SH3GLB2: variants seen among roughly 807,000 people sequenced by gnomAD.
The protein encoded by SH3GLB2 is endophilin-B2.
Under a neutral mutation model 48.0 loss-of-function variants are expected in SH3GLB2, and 24 were observed. The observed-to-expected ratio is 0.50, with a 90% CI of 0.36 to 0.70. SH3GLB2 has a LOEUF of 0.70. Ranked by LOEUF, SH3GLB2 falls within the 30% of genes least tolerant of loss-of-function variation. The pLI, the probability that SH3GLB2 is intolerant of heterozygous loss-of-function variation, is 0.00. For missense variants in SH3GLB2, 425 were observed against 516.0 expected, an observed-to-expected ratio of 0.82 and a Z score of 1.71; for synonymous variants, 227 against 207.6, an observed-to-expected ratio of 1.09 and a Z score of -0.80.
intron 9 of SH3GLB2, 67 bp downstream of exon 9, chr9:129,009,704 A>T: frequency 1.4e-6 from 2 of 1,481,174 alleles, no homozygotes; most frequent in Non-Finnish European, 1.8e-6. Context: ...AGAGGAGCTC[A>T]TGCTGCCCAC....
chr9:129,017,839 A>G (rs180758456), intron 3 of SH3GLB2, among the ~76,000 whole-genome samples: 2 of 150,946 alleles, frequency 1.3e-5, no homozygotes, highest in Admixed American at 6.6e-5. Context: ...CGGAGGTTGC[A>G]GTGAGCCGAG....
In SH3GLB2 at chr9:129,009,056, C is replaced by T; in HGVS notation, c.1080+50G>A. ...CATGTGCCTGATCCCAGTGCCCAGG[C>T]TGCTCCTCACCCAGCCCATTCCTGC... On this transcript the variant is annotated intron_variant, in intron 10 of 10. Transcript: ENST00000372564. The T allele has an allele frequency of 1.9e-6, 3 of 1,599,226 alleles. No homozygotes were observed. The South Asian group carries it at 3.3e-5, about 18-fold the overall frequency.
rs960061214 is a variant in SH3GLB2 at position 129,007,692 on chromosome 9, G to C, written c.*992C>G. Reference sequence around the variant, plus strand: ...AACCCATGGCACGGGGGCACATGCTGGGTGAAACGCCCGACCTGCAGACAG... The same window carrying C: ...AACCCATGGCACGGGGGCACATGCTCGGTGAAACGCCCGACCTGCAGACAG... On this transcript the variant is annotated 3_prime_UTR_variant, in exon 11 of 11. Coordinates refer to ENST00000372564, the MANE Select transcript of SH3GLB2 (RefSeq NM_020145.4). The C allele has an allele frequency of 7.9e-5, 12 of 152,400 alleles. No homozygotes were observed. Among genetic ancestry groups the C allele is most frequent in the Admixed American group, 5.9e-4 (9 of 15,304 alleles). 9.4% of individuals were successfully genotyped at this position (152,400 alleles called of 1,614,324 possible). A position where few individuals can be genotyped will look rare whatever the true frequency, so the allele number is the denominator to read the frequency against.
chr9:129,012,709 C>A, intron 5 of SH3GLB2: 1 of 504,020 alleles, frequency 2.0e-6, no homozygotes, highest in Non-Finnish European at 3.5e-6. Flanking sequence ...TCCCAGAATC[C>A]GCACACCACA....
intron 3 of SH3GLB2, among the ~76,000 whole-genome samples, chr9:129,015,369 T>C (rs1564579707): frequency 6.6e-6 from 1 of 152,118 alleles, no homozygotes; most frequent in African/African-American, 2.4e-5. Flanking sequence ...CTGGACACAA[T>C]TGTCAAAAAC....
At position 129,007,102 on chromosome 9, in the gene SH3GLB2, G is replaced by T. The variant is rs1483936940; in HGVS notation, c.*1582C>A. ...TAAAATCTTGTTTATAGACAGCTGT[G>T]TGATGTTTAACTTCAAAGCCCAGGG... On this transcript the variant is annotated 3_prime_UTR_variant, in exon 11 of 11. Coordinates refer to ENST00000372564, the MANE Select transcript of SH3GLB2 (RefSeq NM_020145.4). 6.5e-6 allele frequency: 1 copy of T among 154,932 alleles called. No individual in the cohort carries two copies. The highest frequency in any genetic ancestry group is 1.4e-5 in the Non-Finnish European group (1 of 70,088). 9.6% of individuals were successfully genotyped at this position (154,932 alleles called of 1,614,324 possible).
chr9:129,012,159 T>A, intron 6 of SH3GLB2, 77 bp downstream of exon 6: 1 of 833,366 alleles, frequency 1.2e-6, no homozygotes. Flanking sequence ...TTCTAGCTCC[T>A]GTGCAGTCAG....
In SH3GLB2 at chr9:129,028,331, G is replaced by A. The variant is rs935244998; in HGVS notation, c.-177C>T. 2.5e-5 allele frequency: 6 copies of A among 241,460 alleles called. No homozygotes were observed. The highest frequency in any genetic ancestry group is 1.2e-4 in the African/African-American group (5 of 42,498). 15.0% of individuals were successfully genotyped at this position (241,460 alleles called of 1,614,324 possible). On this transcript the variant is annotated 5_prime_UTR_variant, in exon 1 of 11. Coordinates refer to ENST00000372564, the MANE Select transcript of SH3GLB2 (RefSeq NM_020145.4). ...GCCGCCGAGCCAGCCCGAGCGCGCA[G>A]GGCGGGGCGCGGAGGCCGCGGGTCG...
At chr9:129,016,342 T>TA (rs57505648) in intron 3 of SH3GLB2, among the ~76,000 whole-genome samples, 6,178 of 33,506 alleles carry the variant, frequency 0.18, 453 homozygotes, top group Admixed American at 0.23. Flanking sequence ...AGACTGTCTT[T>TA]AAAAAAAAAA....
In SH3GLB2 at chr9:129,009,277, A is replaced by G. The variant is rs2131221546; in HGVS notation, c.909T>C (p.Thr303=). 2 of 1,567,532 alleles carry G rather than the reference A, an allele frequency of 1.3e-6. No homozygotes were observed. The highest frequency in any genetic ancestry group is 2.3e-5 in the South Asian group (2 of 85,370). ...SPPLSSTSPT[T]AAATMPVVPS... is the part of the protein sequence containing the mutation. The stretch of plus-strand genomic sequence containing the variant: ...GCACCACAGGCATAGTGGCCGCAGC[A>G]GTGGTGGGTGAGGTGCTGCTCAGGG... Residue 303 remains threonine, a synonymous_variant, in exon 10 of 11, where the codon ACT becomes ACC. Coordinates refer to ENST00000372564, the MANE Select transcript of SH3GLB2 (RefSeq NM_020145.4).
chr9:129,025,541 C>A (rs188889396), intron 1 of SH3GLB2, among the ~76,000 whole-genome samples: 2 of 144,174 alleles, frequency 1.4e-5, no homozygotes, highest in East Asian at 4.0e-4. Context: ...ACTCCAGCCT[C>A]GGCGACAGGA....
chr9:129,022,221 C>T, intron 2 of SH3GLB2, 61 bp downstream of exon 2: 1 of 1,593,216 alleles, frequency 6.3e-7, no homozygotes, highest in Non-Finnish European at 8.5e-7. Context: ...AGGGCCAGGC[C>T]TCCTACTGTA....
At chr9:129,022,481 G>A (rs1843874034) in intron 1 of SH3GLB2, 58 bp from the exon 2 acceptor site, 2 of 1,416,896 alleles carry the variant, frequency 1.4e-6, no homozygotes, top group East Asian at 2.4e-5. Flanking sequence ...GGAGGTGGGG[G>A]AGTGGTGGGG....
At chr9:129,026,363 T>C (rs1844161959) in intron 1 of SH3GLB2, among the ~76,000 whole-genome samples, 1 of 152,226 alleles carries the variant, frequency 6.6e-6, no homozygotes, top group Non-Finnish European at 1.5e-5. Flanking sequence ...GGAGCCCCTC[T>C]GTGGCCTCTC....
In SH3GLB2 at chr9:129,028,244, C is replaced by T. The variant is rs2131316583; in HGVS notation, c.-90G>A. On this transcript the variant is annotated 5_prime_UTR_variant, in exon 1 of 11. Transcript: ENST00000372564. The stretch of plus-strand genomic sequence containing the variant: ...CCGCCAACCGCACCCCGCCCACCTG[C>T]TGCGGGGCACCAGCCCTCCGCGCAC... 1.1e-6 allele frequency: 1 copy of T among 875,166 alleles called. No homozygotes were observed. Among genetic ancestry groups the T allele is most frequent in the Non-Finnish European group, 1.4e-6 (1 of 718,516 alleles). 54.2% of individuals were successfully genotyped at this position (875,166 alleles called of 1,614,324 possible).
chr9:129,013,643 G>A (rs1416576865), intron 5 of SH3GLB2: 2 of 188,580 alleles, frequency 1.1e-5, no homozygotes, highest in Non-Finnish European at 2.2e-5. Context: ...GTGAGCCCAG[G>A]CTAGGCCTGG....
At position 129,021,197 on chromosome 9, in the gene SH3GLB2, C is replaced by A. The variant is rs754481111; in HGVS notation, c.228G>T (p.Leu76=). ...PNPSARVEEF[L]YEKLDRKVPS... is the part of the protein sequence containing the mutation. ...GGACCTTCCTGTCCAGCTTCTCATA[C>A]AGGAACTCCTCCACTCGGGCACCTG... Residue 76 remains leucine, a synonymous_variant, in exon 3 of 11, where the codon CTG becomes CTT. Transcript: ENST00000372564. The A allele has an allele frequency of 1.2e-6, 2 of 1,610,396 alleles. No homozygotes were observed. The highest frequency in any genetic ancestry group is 1.7e-5 in the Admixed American group (1 of 59,644).
At chr9:129,020,761 T>C (rs1372022652) in intron 3 of SH3GLB2, among the ~76,000 whole-genome samples, 2 of 151,652 alleles carry the variant, frequency 1.3e-5, no homozygotes, top group African/African-American at 2.4e-5. Flanking sequence ...TCCCAGCTAC[T>C]TGGGAGGCTG....
chr9:129,011,975 A>T lies in SH3GLB2; in HGVS notation c.624+261T>A. ...CCGCCCTGAGTTCTCCACACTACTCAGTGTGGCTGGCCCTGCCGCCAGCTC... is the reference window on the plus strand; with the variant it reads ...CCGCCCTGAGTTCTCCACACTACTCTGTGTGGCTGGCCCTGCCGCCAGCTC... On this transcript the variant is annotated intron_variant, in intron 6 of 10. Transcript: ENST00000372564. The surrounding 1 kb of genome is among the most constrained non-coding windows in gnomAD (Gnocchi z 4.5). The T allele has an allele frequency of 2.6e-6, 1 of 377,786 alleles. No individual in the cohort carries two copies. The highest frequency in any genetic ancestry group is 4.7e-6 in the Non-Finnish European group (1 of 212,826). The allele number at this position is 377,786 out of a possible 1,614,324, so 23.4% of individuals were successfully genotyped here. A position where few individuals can be genotyped will look rare whatever the true frequency, so the allele number is the denominator to read the frequency against.
Sources: gnomAD v4.1 joint callset for allele counts (sites outside exome capture counted in the v4.1 genomes callset) on GRCh38, gnomAD v4.1.1 for gene constraint, Gnocchi (gnomAD v3.1) non-coding constraint, MANE v1.5 for transcripts, NCBI Gene and HGNC (gene_info 2026-07-23, HGNC 2026-07-21) for gene names.